Variants in VPS13C observed in about 807,000 individuals in gnomAD.
The protein encoded by VPS13C is intermembrane lipid transfer protein VPS13C.
Under a neutral mutation model 456.8 loss-of-function variants are expected in VPS13C, and 358 were observed. That is an observed-to-expected ratio of 0.78 (90% confidence interval 0.72 to 0.86). The LOEUF (loss-of-function observed/expected upper bound fraction) is 0.86, where lower values mean the gene tolerates loss of function less well. Among genes scored for constraint, VPS13C ranks in the 40% least tolerant of loss-of-function variants. VPS13C has a pLI of 0.00. For synonymous variants in VPS13C, 1,578 were observed against 1,486.7 expected, an observed-to-expected ratio of 1.06 and a Z score of -1.41; for missense variants, 4,818 against 4,385.4, an observed-to-expected ratio of 1.10 and a Z score of -2.79.
intron 16 of VPS13C, among the ~76,000 whole-genome samples, chr15:61,992,336 CTT>C (rs2046248786): frequency 6.6e-6 from 1 of 152,130 alleles, no homozygotes; most frequent in Non-Finnish European, 1.5e-5. Context: ...CACTCCTTCT[CTT>C]TGCCCACTTT....
intron 81 of VPS13C, chr15:61,864,903 G>C (rs1894437631): frequency 1.0e-6 from 1 of 970,498 alleles, no homozygotes; most frequent in South Asian, 4.8e-5. Flanking sequence ...AAAATATTTA[G>C]ATCTGAAATG....
intron 5 of VPS13C, among the ~76,000 whole-genome samples, chr15:62,029,015 T>C (rs1253962879): frequency 6.6e-6 from 1 of 152,064 alleles, no homozygotes; most frequent in African/African-American, 2.4e-5. Flanking sequence ...CTTTGGACTC[T>C]TAAAGAAAGA....
intron 16 of VPS13C, among the ~76,000 whole-genome samples, chr15:61,996,990 C>CATATATATATATATATATATAT (rs1416476981): frequency 6.4e-5 from 9 of 139,948 alleles, no homozygotes; most frequent in East Asian, 2.2e-4. Flanking sequence ...ATATATTTTA[C>CATATATATATATATATATATAT]ATACATACAT....
intron 81 of VPS13C, 50 bp from the exon 82 acceptor site, chr15:61,863,578 T>C: frequency 4.0e-6 from 5 of 1,237,532 alleles, no homozygotes; most frequent in Admixed American, 1.7e-5. Context: ...ATTTAAGTAG[T>C]ATTTACAATA....
At chr15:61,949,681 T>TA (rs2044721776) in intron 41 of VPS13C, 76 bp from the exon 42 acceptor site, 2 of 1,435,698 alleles carry the variant, frequency 1.4e-6, no homozygotes, top group Non-Finnish European at 1.9e-6. Flanking sequence ...CAGATATAAG[T>TA]AGCACAAGAA....
At chr15:61,972,059 C>T (rs887462750) in intron 27 of VPS13C, among the ~76,000 whole-genome samples, 4 of 152,080 alleles carry the variant, frequency 2.6e-5, no homozygotes, top group Non-Finnish European at 4.4e-5. Flanking sequence ...CAGAGATGAA[C>T]ACTGTCTGTC....
In VPS13C at chr15:61,937,270, T is replaced by C. The variant is rs375601465; in HGVS notation, c.5602-520A>G. Reference sequence around the variant, plus strand: ...GTTTAACTTATCAAGAATAATACCATTTAGAACAATAACAAATGTATCTAC... The same window carrying C: ...GTTTAACTTATCAAGAATAATACCACTTAGAACAATAACAAATGTATCTAC... On this transcript the variant is annotated intron_variant, in intron 47 of 84. Coordinates refer to ENST00000644861, the MANE Select transcript of VPS13C (RefSeq NM_020821.3). 5.1e-4 allele frequency among the ~76,000 whole-genome samples: 78 copies of C among 152,300 alleles called. No individual in the cohort carries two copies. The South Asian group carries it at 8.7e-3, about 17-fold the overall frequency.
chr15:61,956,896 C>T (rs1380239909), intron 37 of VPS13C, among the ~76,000 whole-genome samples: 2 of 152,042 alleles, frequency 1.3e-5, no homozygotes, highest in African/African-American at 4.8e-5. Context: ...TATAATTTGG[C>T]ACAAGTTACT....
chr15:61,937,230 A>G (rs1238909687), intron 47 of VPS13C, among the ~76,000 whole-genome samples: 1 of 152,250 alleles, frequency 6.6e-6, no homozygotes, highest in Non-Finnish European at 1.5e-5. Flanking sequence ...GCATCTGGAC[A>G]TACATAAAAC....
Position 61,863,522 on chromosome 15 carries a change from T to C in VPS13C, c.10870A>G (p.Ile3624Val), listed in dbSNP as rs776142979. ...TAAGTCTCTCCTTCCAACTTTTTGA[T>C]ATGATTCTGAAAAGGAAACCAGGCT... ...SEGSDLLENH[I>V]KKLEGETYRY... is the part of the protein sequence containing the mutation. The change falls in exon 82 of 85, where the codon ATC (isoleucine) becomes GTC (valine). Residue 3624 changes from isoleucine (I) to valine (V), a missense_variant. Ile to Val is a conservative substitution (Grantham distance 29). This residue lies in a region of VPS13C where 261 missense variants were observed against 234.1 expected (regional missense o/e 1.11). Coordinates refer to ENST00000644861, the MANE Select transcript of VPS13C (RefSeq NM_020821.3). 9 of 1,612,340 alleles carry C rather than the reference T, an allele frequency of 5.6e-6. No individual in the cohort carries two copies. In the Admixed American group the frequency reaches 1.2e-4, roughly 21 times the overall value.
At chr15:61,922,306 G>C in intron 54 of VPS13C, 91 bp downstream of exon 54, 1 of 1,459,252 alleles carries the variant, frequency 6.9e-7, no homozygotes, top group Non-Finnish European at 9.2e-7. Context: ...TGTACTCATA[G>C]TGGCCATGCA....
intron 23 of VPS13C, among the ~76,000 whole-genome samples, chr15:61,977,707 G>A (rs1035344997): frequency 2.0e-5 from 3 of 151,802 alleles, no homozygotes; most frequent in Admixed American, 1.3e-4. Context: ...TTCAAATAAG[G>A]TCCCAAAAAC....
At chr15:61,869,908 T>C (rs1231920892) in intron 79 of VPS13C, among the ~76,000 whole-genome samples, 1 of 152,180 alleles carries the variant, frequency 6.6e-6, no homozygotes, top group Admixed American at 6.5e-5. Flanking sequence ...TCCTGACACA[T>C]GCTCAAGTTT....
Position 61,918,191 on chromosome 15 carries a change from G to T in VPS13C, c.7705C>A (p.Arg2569Ser). 1 of 1,599,430 alleles carries T rather than the reference G, an allele frequency of 6.3e-7. No individual in the cohort carries two copies. Among genetic ancestry groups the T allele is most frequent in the Non-Finnish European group, 8.5e-7 (1 of 1,174,312 alleles). The change falls in exon 59 of 85, where the codon CGC becomes AGC. Residue 2569 changes from arginine (R) to serine (S), a missense_variant. Transcript: ENST00000644861. ...TCTTCAGGTCTGGCTATCCCAATGC[G>T]CTCCAATAGCTTAACATTCTTAACA... is the stretch of plus-strand genomic sequence containing the variant. ...KFVKNVKLLE[R>S]IGIARPEEEF... is the part of the protein sequence containing the mutation.
chr15:62,048,831 G>A (rs1293460482), intron 1 of VPS13C, among the ~76,000 whole-genome samples: 63 of 152,188 alleles, frequency 4.1e-4, no homozygotes, highest in Middle Eastern at 6.8e-3. Context: ...TTGTGGTTTT[G>A]ATTTGCATTT....
At chr15:61,865,299 A>G (rs1430548781) in intron 81 of VPS13C, 1 of 980,210 alleles carries the variant, frequency 1.0e-6, no homozygotes, top group Non-Finnish European at 1.2e-6. Context: ...TTACAGCATT[A>G]TTACTGTTAG....
chr15:61,965,555 T>C (rs1404500702), intron 30 of VPS13C, among the ~76,000 whole-genome samples: 2 of 151,934 alleles, frequency 1.3e-5, no homozygotes, highest in Non-Finnish European at 2.9e-5. Context: ...ACTAAATGGA[T>C]ATAAAAACAA....
At chr15:61,985,653 A>G (rs933611075) in intron 18 of VPS13C, among the ~76,000 whole-genome samples, 2 of 152,238 alleles carry the variant, frequency 1.3e-5, no homozygotes, top group Non-Finnish European at 2.9e-5. Context: ...CAAACTAAGT[A>G]TTTCAGAATA....
chr15:61,961,530 A>G, intron 35 of VPS13C, 59 bp downstream of exon 35: 1 of 1,466,804 alleles, frequency 6.8e-7, no homozygotes, highest in East Asian at 2.4e-5. Context: ...TTCAAGTCAT[A>G]AAATTTCATG....
Sources: allele counts gnomAD v4.1 joint callset (sites outside exome capture counted in the v4.1 genomes callset), GRCh38; gene constraint gnomAD v4.1.1; regional missense constraint gnomAD v4.1.1; transcripts MANE v1.5; gene names NCBI Gene and HGNC (gene_info 2026-07-23, HGNC 2026-07-21).